NTNG2: variants seen among roughly 807,000 people sequenced by gnomAD.
NTNG2 encodes the protein netrin-G2.
In NTNG2, 15 loss-of-function variants were observed where a neutral mutation model predicts 47.6. The ratio of observed to expected loss-of-function variants is 0.32; its 90% CI spans 0.21 to 0.49. The LOEUF is 0.49. Ranked by LOEUF, NTNG2 falls within the 20% of genes least tolerant of loss-of-function variation. The pLI is 0.99. For missense variants in NTNG2, 578 were observed against 764.6 expected, an observed-to-expected ratio of 0.76 and a Z score of 2.88; for synonymous variants, 307 against 324.6, an observed-to-expected ratio of 0.95 and a Z score of 0.58.
At chr9:132,179,015 C>T (rs1357405529) in intron 2 of NTNG2, among the ~76,000 whole-genome samples, 1 of 150,754 alleles carries the variant, frequency 6.6e-6, no homozygotes, top group South Asian at 2.1e-4. Context: ...CCTCTCATTT[C>T]CTATGAAGGA....
Position 132,162,710 on chromosome 9 carries a change from A to C in NTNG2, c.-484+471A>C, listed in dbSNP as rs1388066645. Among the ~76,000 whole-genome samples the C allele has an allele frequency of 6.7e-6, 1 of 148,652 alleles. No individual in the cohort carries two copies. Among genetic ancestry groups the C allele is most frequent in the Non-Finnish European group, 1.5e-5 (1 of 67,126 alleles). Reference sequence around the variant, plus strand: ...TCTCCCCCACCCCAATTCCACCGCCACCGCTTAGAGCCACCCCCATCCCGT... The same window carrying C: ...TCTCCCCCACCCCAATTCCACCGCCCCCGCTTAGAGCCACCCCCATCCCGT... On this transcript the variant is annotated intron_variant, in intron 1 of 7. Coordinates refer to ENST00000393229, the MANE Select transcript of NTNG2 (RefSeq NM_032536.4). The surrounding 1 kb of genome is among the most constrained non-coding windows in gnomAD (Gnocchi z 4.6).
chr9:132,165,135 A>G (rs992910990), intron 1 of NTNG2, among the ~76,000 whole-genome samples: 14 of 152,144 alleles, frequency 9.2e-5, no homozygotes, highest in African/African-American at 3.4e-4. Context: ...GCACTTTTTT[A>G]CTGCAGTAAC....
chr9:132,227,043 C>A (rs1432371814), intron 4 of NTNG2, 22 bp downstream of exon 4: 2 of 1,570,774 alleles, frequency 1.3e-6, no homozygotes, highest in African/African-American at 2.7e-5. Context: ...GCCCCGGGGC[C>A]ACGAGCCCAC....
chr9:132,238,865 G>T, intron 5 of NTNG2: 2 of 601,412 alleles, frequency 3.3e-6, no homozygotes, highest in African/African-American at 1.9e-5. Flanking sequence ...TGCCCACAGG[G>T]CCAGGTGGGA....
chr9:132,219,726 C>T (rs577354300), intron 3 of NTNG2, among the ~76,000 whole-genome samples: 54 of 152,248 alleles, frequency 3.5e-4, no homozygotes, highest in Middle Eastern at 3.4e-3. Context: ...GTATAGTATT[C>T]ATTGCCTGCT....
chr9:132,213,448 G>GGGA (rs1352269301), intron 3 of NTNG2, among the ~76,000 whole-genome samples: 1 of 152,032 alleles, frequency 6.6e-6, no homozygotes. Context: ...CCACCGGCTG[G>GGGA]GGAGGAGAAA....
At chr9:132,228,777 C>G (rs1373544627) in intron 4 of NTNG2, among the ~76,000 whole-genome samples, 1 of 152,102 alleles carries the variant, frequency 6.6e-6, no homozygotes, top group African/African-American at 2.4e-5. Flanking sequence ...AGGCTGGTCT[C>G]GAGCTCCTGA....
Position 132,231,120 on chromosome 9 carries a change from C to T in NTNG2, c.1054+525C>T, listed in dbSNP as rs536968696. 1.9e-4 allele frequency among the ~76,000 whole-genome samples: 29 copies of T among 152,266 alleles called. No homozygotes were observed. Among genetic ancestry groups the T allele is most frequent in the Admixed American group, 1.5e-3 (23 of 15,302 alleles). ...AGCTTGTCCCAGGGCTCTGCTCGTC[C>T]AGGTCAGCTCAGGTCCCAGGGGAGT... On this transcript the variant is annotated intron_variant, in intron 5 of 7. Transcript: ENST00000393229. This position sits in a 1 kb window ranked among gnomAD's most constrained non-coding sequence, Gnocchi z 4.1.
chr9:132,240,490 G>T, intron 6 of NTNG2: 1 of 274,016 alleles, frequency 3.6e-6, no homozygotes, highest in Non-Finnish European at 7.1e-6. Flanking sequence ...CCACTCCCCT[G>T]CAAAGGAGCT....
rs1267107161 is a variant in NTNG2, at chr9:132,194,121, G to C, written c.214-3845G>C. On this transcript the variant is annotated intron_variant, in intron 2 of 7. Transcript: ENST00000393229. The stretch of plus-strand genomic sequence containing the variant: ...TAGGGCTTCAACATAGAAATCTGGG[G>C]GACACCATTCAGCCCCTAGGAAGTC... Among the ~76,000 whole-genome samples the C allele has an allele frequency of 2.0e-5, 3 of 152,114 alleles. No homozygotes were observed. The South Asian group carries it at 6.2e-4, about 32-fold the overall frequency.
chr9:132,163,775 G>A lies in NTNG2; in HGVS notation c.-484+1536G>A, dbSNP rs144185250. Reference sequence around the variant, plus strand: ...GGCGAGCCCAGCCAGCTCGGGAGGCGCTAATTCAATAAGACAGAGAAATCT... The same window carrying A: ...GGCGAGCCCAGCCAGCTCGGGAGGCACTAATTCAATAAGACAGAGAAATCT... On this transcript the variant is annotated intron_variant, in intron 1 of 7. Transcript: ENST00000393229. The surrounding 1 kb of genome is among the most constrained non-coding windows in gnomAD (Gnocchi z 7.2). Among the ~76,000 whole-genome samples the A allele has an allele frequency of 3.6e-4, 55 of 152,324 alleles. No homozygotes were observed. In the East Asian group the frequency reaches 8.9e-3, roughly 25 times the overall value.
chr9:132,167,316 G>A (rs1402344756), intron 2 of NTNG2, among the ~76,000 whole-genome samples: 4 of 152,216 alleles, frequency 2.6e-5, no homozygotes, highest in African/African-American at 7.2e-5. Flanking sequence ...CAGTTCCCTC[G>A]GGAAGCCTAT....
chr9:132,230,710 C>A, intron 5 of NTNG2, 115 bp downstream of exon 5: 8 of 1,035,118 alleles, frequency 7.7e-6, no homozygotes, highest in Middle Eastern at 2.0e-4. Flanking sequence ...GGGACTTGGG[C>A]CTATTCACTC....
rs1422077617 is a variant in NTNG2, at chr9:132,221,779, CA to C, written c.858-5069del. ...ATGACTTTGGGCGACTTCTCCCTAC[CA>C]GCACCACCCAGCCTGTCCAGCTCTG... is the stretch of plus-strand genomic sequence containing the variant. On this transcript the variant is annotated intron_variant, in intron 3 of 7. Coordinates refer to ENST00000393229, the MANE Select transcript of NTNG2 (RefSeq NM_032536.4). This position sits in a 1 kb window ranked among gnomAD's most constrained non-coding sequence, Gnocchi z 4.2. Among the ~76,000 whole-genome samples, 1 of 152,346 alleles carries C rather than the reference CA, an allele frequency of 6.6e-6. No individual in the cohort carries two copies. The highest frequency in any genetic ancestry group is 3.4e-3 in the Middle Eastern group (1 of 294).
intron 7 of NTNG2, chr9:132,241,571 G>A (rs957991272): frequency 2.5e-6 from 1 of 405,592 alleles, no homozygotes; most frequent in Non-Finnish European, 4.4e-6. Context: ...AGGGTGAAAG[G>A]AGGCTCCAGG....
At chr9:132,217,741 C>T (rs1840085432) in intron 3 of NTNG2, among the ~76,000 whole-genome samples, 1 of 152,208 alleles carries the variant, frequency 6.6e-6, no homozygotes, top group Admixed American at 6.5e-5. Context: ...GCAGGTGTTA[C>T]TGCCATCCTT....
intron 3 of NTNG2, among the ~76,000 whole-genome samples, chr9:132,220,953 G>T (rs1224380963): frequency 2.0e-5 from 3 of 151,830 alleles, no homozygotes; most frequent in Non-Finnish European, 4.4e-5. Flanking sequence ...GTGATCCCAG[G>T]TCTTATGAGT....
At chr9:132,238,983 C>A in intron 5 of NTNG2, 121 bp from the exon 6 acceptor site, 1 of 1,053,860 alleles carries the variant, frequency 9.5e-7, no homozygotes, top group Non-Finnish European at 1.5e-6. Flanking sequence ...CTTCCGGTAC[C>A]TTTTCCAAAG....
chr9:132,203,731 G>A (rs1030926130), intron 3 of NTNG2, among the ~76,000 whole-genome samples: 4 of 152,200 alleles, frequency 2.6e-5, no homozygotes, highest in African/African-American at 4.8e-5. Flanking sequence ...CCCAAGGCAG[G>A]GCCAACACAC....
Sources: gnomAD v4.1 joint callset for allele counts (sites outside exome capture counted in the v4.1 genomes callset) on GRCh38, gnomAD v4.1.1 for gene constraint, Gnocchi (gnomAD v3.1) non-coding constraint, MANE v1.5 for transcripts, NCBI Gene and HGNC (gene_info 2026-07-23, HGNC 2026-07-21) for gene names.